The following SOD2 variants were observed in gnomAD, a reference collection of about 807,000 sequenced individuals.
The protein encoded by SOD2 is superoxide dismutase 2, also known as superoxide dismutase [Mn], mitochondrial.
SOD2 carries 11 observed loss-of-function variants against 27.0 expected under a neutral mutation model. The observed-to-expected ratio is 0.41, with a 90% CI of 0.26 to 0.67. The LOEUF is 0.67. Ranked by LOEUF, SOD2 falls within the 30% of genes least tolerant of loss-of-function variation. SOD2 has a pLI of 0.34. For synonymous variants in SOD2, 105 were observed against 103.0 expected, an observed-to-expected ratio of 1.02 and a Z score of -0.12; for missense variants, 250 against 274.5, an observed-to-expected ratio of 0.91 and a Z score of 0.63.
upstream of SOD2, chr6:159,745,299 C>G (rs1779509863): frequency 6.6e-6 from 1 of 152,210 alleles, no homozygotes; most frequent in African/African-American, 2.4e-5. Flanking sequence ...ACATCTGATT[C>G]TCCATCTGTC....
In SOD2 at chr6:159,674,787, G is replaced by A. The variant is rs1408449582; in HGVS notation, c.*7706C>T. The A allele has an allele frequency of 6.6e-6, 1 of 152,162 alleles. No individual in the cohort carries two copies. Among genetic ancestry groups the A allele is most frequent in the Non-Finnish European group, 1.5e-5 (1 of 68,030 alleles). The allele number at this position is 152,162 out of a possible 1,614,324, so 9.4% of individuals were successfully genotyped here. A position where few individuals can be genotyped will look rare whatever the true frequency, so the allele number is the denominator to read the frequency against. On this transcript the variant is annotated 3_prime_UTR_variant, in exon 5 of 5. Transcript: ENST00000538183. Reference sequence around the variant, plus strand: ...GAAAGAAATAAAGGGTATTCAATAAGGAAAAGAGGAAGTCAAATTGTCCCT... The same window carrying A: ...GAAAGAAATAAAGGGTATTCAATAAAGAAAAGAGGAAGTCAAATTGTCCCT...
At chr6:159,732,886 A>AGTGTGTGT (rs67554039) in intron 1 of SOD2, among the ~76,000 whole-genome samples, 5,663 of 146,388 alleles carry the variant, frequency 0.039, 155 homozygotes, top group East Asian at 0.1. Flanking sequence ...ATATATATAT[A>AGTGTGTGT]GTGTGTGTGT....
chr6:159,727,036 C>T lies in SOD2; in HGVS notation c.-116+93G>A, dbSNP rs1778209265. On this transcript the variant is annotated intron_variant, in intron 1 of 2. Coordinates refer to the SOD2 transcript ENST00000401980. ...AGGCAGCCCCGCAGCCGCAGGTGGC[C>T]CCGGCGAGTACTTCCACCTTCCCTT... 13 of 1,228,066 alleles carry T rather than the reference C, an allele frequency of 1.1e-5. No individual in the cohort carries two copies. The East Asian group carries it at 1.7e-4, about 16-fold the overall frequency. 76.1% of individuals were successfully genotyped at this position (1,228,066 alleles called of 1,614,324 possible).
chr6:159,738,908 T>A, intron 1 of SOD2: 1 of 1,008,320 alleles, frequency 9.9e-7, no homozygotes, highest in Admixed American at 2.2e-5. Flanking sequence ...ATCTCACACT[T>A]GGGAGATGTT....
chr6:159,743,631 A>C (rs1335150197), intron 1 of SOD2: 1 of 1,561,964 alleles, frequency 6.4e-7, no homozygotes, highest in African/African-American at 1.4e-5. Context: ...CTTGATCTTA[A>C]AATTGTATTT....
chr6:159,743,097 G>A (rs1779360883), intron 1 of SOD2, among the ~76,000 whole-genome samples: 2 of 152,214 alleles, frequency 1.3e-5, no homozygotes, highest in African/African-American at 4.8e-5. Context: ...GCCCAGGCTG[G>A]AGTGCAGTGG....
At chr6:159,720,049 G>C (rs529267911) in intron 1 of SOD2, among the ~76,000 whole-genome samples, 1 of 144,082 alleles carries the variant, frequency 6.9e-6, no homozygotes, top group African/African-American at 2.6e-5. Flanking sequence ...TTTGGTGGGG[G>C]GGACAGAGTC....
chr6:159,709,235 G>A (rs1420045150), intron 1 of SOD2, among the ~76,000 whole-genome samples: 1 of 152,076 alleles, frequency 6.6e-6, no homozygotes, highest in Admixed American at 6.5e-5. Context: ...AACACCAAAA[G>A]CAATGGCAAC....
intron 1 of SOD2, chr6:159,726,471 G>A: frequency 4.2e-6 from 1 of 236,670 alleles, no homozygotes; most frequent in Non-Finnish European, 8.7e-6. Flanking sequence ...GGGATGAACA[G>A]GTTTGATAAA....
chr6:159,726,919 C>G, intron 1 of SOD2: 5 of 1,288,888 alleles, frequency 3.9e-6, no homozygotes, highest in South Asian at 1.2e-5. Flanking sequence ...GAGGTGGCAC[C>G]TGGTCCTCCG....
At chr6:159,753,421 T>C (rs755783367) in intron 1 of SOD2, 1 of 1,613,944 alleles carries the variant, frequency 6.2e-7, no homozygotes, top group Non-Finnish European at 8.5e-7. Flanking sequence ...ACAGAGAGTT[T>C]TGTCTTCATT....
chr6:159,730,323 T>C (rs902682662), upstream of SOD2, among the ~76,000 whole-genome samples: 5 of 152,240 alleles, frequency 3.3e-5, no homozygotes, highest in African/African-American at 1.2e-4. Context: ...CTCCAAATGA[T>C]GTTATGGTCA....
intron 1 of SOD2, among the ~76,000 whole-genome samples, chr6:159,720,762 C>T (rs1279110479): frequency 6.6e-6 from 1 of 151,418 alleles, no homozygotes; most frequent in Non-Finnish European, 1.5e-5. Flanking sequence ...TGGAGGTTGT[C>T]CCACTATTAC....
chr6:159,717,160 C>T (rs193052612), intron 1 of SOD2, among the ~76,000 whole-genome samples: 75 of 152,212 alleles, frequency 4.9e-4, no homozygotes, highest in African/African-American at 1.6e-3. Flanking sequence ...AGCCTGTTTC[C>T]GAGAATAATT....
chr6:159,724,310 G>A (rs1037538737), intron 1 of SOD2, among the ~76,000 whole-genome samples: 1 of 152,088 alleles, frequency 6.6e-6, no homozygotes, highest in African/African-American at 2.4e-5. Flanking sequence ...CTTTGATCTT[G>A]TGTTTGTATC....
At chr6:159,693,022 C>A in intron 1 of SOD2, 123 bp downstream of exon 1, 1 of 1,420,706 alleles carries the variant, frequency 7.0e-7, no homozygotes, top group Non-Finnish European at 9.3e-7. Flanking sequence ...CCCGGGAGAA[C>A]CGCCTGCAGG....
chr6:159,694,881 G>T (rs2114800104), upstream of SOD2, among the ~76,000 whole-genome samples: 1 of 152,120 alleles, frequency 6.6e-6, no homozygotes, highest in African/African-American at 2.4e-5. Flanking sequence ...TGGGATTACA[G>T]GTAGGAGCCA....
chr6:159,705,527 G>A (rs1777609151), intron 1 of SOD2, among the ~76,000 whole-genome samples: 1 of 152,226 alleles, frequency 6.6e-6, no homozygotes, highest in African/African-American at 2.4e-5. Context: ...ATCAGTGATT[G>A]AAGATCAAAT....
chr6:159,740,754 A>C (rs1779206919), intron 1 of SOD2, among the ~76,000 whole-genome samples: 1 of 149,350 alleles, frequency 6.7e-6, no homozygotes, highest in Non-Finnish European at 1.5e-5. Flanking sequence ...ACCAGGCTGG[A>C]ATGCAGTTGC....
Sources: allele counts gnomAD v4.1 joint callset (sites outside exome capture counted in the v4.1 genomes callset), GRCh38; gene constraint gnomAD v4.1.1; transcripts MANE v1.5; gene names NCBI Gene and HGNC (gene_info 2026-07-23, HGNC 2026-07-21).